ADGRE5: variants seen among roughly 807,000 people sequenced by gnomAD.
ADGRE5 encodes CD97 molecule.
Under a neutral mutation model 100.3 loss-of-function variants are expected in ADGRE5, and 72 were observed. That is an observed-to-expected ratio of 0.72 (90% CI 0.59 to 0.87). ADGRE5 has a LOEUF of 0.87. Ranked by LOEUF, ADGRE5 falls within the 40% of genes least tolerant of loss-of-function variation. ADGRE5 has a pLI of 0.00. For missense variants in ADGRE5, 959 were observed against 1,094.7 expected, an observed-to-expected ratio of 0.88 and a Z score of 1.75; for synonymous variants, 439 against 447.8, an observed-to-expected ratio of 0.98 and a Z score of 0.25.
Position 14,390,141 on chromosome 19 carries a change from GGGAA to G in ADGRE5, c.191-779_191-776del, listed in dbSNP as rs563265460. On this transcript the variant is annotated intron_variant, in intron 3 of 19. Coordinates refer to ENST00000242786, the MANE Select transcript of ADGRE5 (RefSeq NM_078481.4). ...GAGGGAGGGAAAGAAGAGGGAGGGA[GGGAA>G]GGAGGGAGGAAGGAAGGAAGGAAGG... is the stretch of plus-strand genomic sequence containing the variant. 6.1e-3 allele frequency among the ~76,000 whole-genome samples: 875 copies of G among 143,946 alleles called. 20 individuals are homozygous for G. Among genetic ancestry groups the G allele is most frequent in the African/African-American group, 0.021 (769 of 37,324 alleles). 94.4% of individuals were successfully genotyped at this position (143,946 alleles called of 152,430 possible). A position where few individuals can be genotyped will look rare whatever the true frequency, so the allele number is the denominator to read the frequency against.
chr19:14,382,628 C>T (rs569659159), intron 1 of ADGRE5, among the ~76,000 whole-genome samples: 1 of 151,984 alleles, frequency 6.6e-6, no homozygotes, highest in Admixed American at 6.6e-5. Context: ...TTTGAGAGGC[C>T]GAGGCAGGTG....
chr19:14,390,876 C>T, intron 3 of ADGRE5, 48 bp from the exon 4 acceptor site: 1 of 1,601,446 alleles, frequency 6.2e-7, no homozygotes. Context: ...TCTGCCCTGA[C>T]AGAACTCACA....
chr19:14,383,044 T>A (rs893029234), intron 1 of ADGRE5, among the ~76,000 whole-genome samples: 8 of 150,274 alleles, frequency 5.3e-5, no homozygotes, highest in Admixed American at 2.0e-4. Flanking sequence ...CCAAAAAAAA[T>A]TTTTTTTAAT....
intron 11 of ADGRE5, among the ~76,000 whole-genome samples, chr19:14,402,360 G>A (rs1976046368): frequency 6.6e-6 from 1 of 151,886 alleles, no homozygotes; most frequent in South Asian, 2.1e-4. Context: ...GCTTGAACCT[G>A]GGGAGTGGAG....
intron 9 of ADGRE5, among the ~76,000 whole-genome samples, chr19:14,400,181 A>G (rs1280408026): frequency 2.0e-5 from 3 of 151,976 alleles, no homozygotes; most frequent in Non-Finnish European, 2.9e-5. Flanking sequence ...CACCACGCCC[A>G]GCTAATTTTT....
intron 12 of ADGRE5, among the ~76,000 whole-genome samples, 198 bp downstream of exon 12, chr19:14,403,060 T>A (rs186859665): frequency 1.1e-3 from 173 of 152,332 alleles, no homozygotes; most frequent in African/African-American, 4.0e-3. Flanking sequence ...TTATTTATTT[T>A]AAGACAGAGT....
intron 9 of ADGRE5, among the ~76,000 whole-genome samples, chr19:14,400,991 G>A (rs1448898322): frequency 3.9e-5 from 6 of 152,078 alleles, no homozygotes; most frequent in African/African-American, 1.4e-4. Context: ...GGGTGTGGTG[G>A]CACGCTTCTG....
In ADGRE5 at chr19:14,401,765, C is replaced by T; in HGVS notation, c.1183+5C>T. 1.9e-6 allele frequency: 3 copies of T among 1,539,648 alleles called. No individual in the cohort carries two copies. Among genetic ancestry groups the T allele is most frequent in the Non-Finnish European group, 1.8e-6 (2 of 1,142,194 alleles). ...CAGCTGGAGCCGAGGATCCAGGTAG[C>T]AGCGGTGGTCTGGAGGGGGAGCCCG... On this transcript the variant is annotated splice_donor_5th_base_variant and intron_variant, in intron 11 of 19. Coordinates refer to ENST00000242786, the MANE Select transcript of ADGRE5 (RefSeq NM_078481.4). This position sits in a 1 kb window ranked among gnomAD's most constrained non-coding sequence, Gnocchi z 4.1.
At position 14,398,060 on chromosome 19, in the gene ADGRE5, A is replaced by C; in HGVS notation, c.820-2A>C. ...TGACCCCCACATCTCCTCTCTCTGC[A>C]GACGCTTTCCCGATTCTTCGACAAA... is the stretch of plus-strand genomic sequence containing the variant. On this transcript the variant is annotated splice_acceptor_variant, in intron 8 of 19. Transcript: ENST00000242786. LOFTEE classifies it high-confidence loss of function. 1 of 1,613,652 alleles carries C rather than the reference A, an allele frequency of 6.2e-7. No homozygotes were observed. The highest frequency in any genetic ancestry group is 8.5e-7 in the Non-Finnish European group (1 of 1,179,868).
Position 14,406,346 on chromosome 19 carries a change from C to A in ADGRE5, c.1837C>A (p.Arg613Ser). Residue 613 changes from arginine (R) to serine (S), a missense_variant, in exon 15 of 20, where the codon CGC becomes AGC. Arg to Ser is a moderately radical substitution (Grantham distance 110). This residue lies in a region of ADGRE5 where 428 missense variants were observed against 386.2 expected (regional missense o/e 1.11). Transcript: ENST00000242786. This position sits in a 1 kb window ranked among gnomAD's most constrained non-coding sequence, Gnocchi z 6.0. ...CGCCCCGCAGGTGGGGCTGCGCTGC[C>A]GCCTGGTGGCCGGGCTGCTGCACTA... ...NEGGQVGLRC[R>S]LVAGLLHYCF... The A allele has an allele frequency of 6.4e-7, 1 of 1,571,638 alleles. No homozygotes were observed. The highest frequency in any genetic ancestry group is 8.6e-7 in the Non-Finnish European group (1 of 1,160,912).
intron 9 of ADGRE5, among the ~76,000 whole-genome samples, chr19:14,398,822 GT>G (rs550992430): frequency 2.0e-5 from 3 of 147,702 alleles, no homozygotes; most frequent in Non-Finnish European, 3.0e-5. Flanking sequence ...GTTGTGGTGT[GT>G]TTTTTTTTGT....
At chr19:14,407,832 T>TG in intron 18 of ADGRE5, 76 bp from the exon 19 acceptor site, 1 of 1,245,524 alleles carries the variant, frequency 8.0e-7, no homozygotes, top group Non-Finnish European at 1.2e-6. Context: ...AAGGTGGGGC[T>TG]GAGGGCAGAG....
Position 14,401,715 on chromosome 19 carries a change from C to T in ADGRE5, c.1138C>T (p.Arg380Cys), listed in dbSNP as rs367751456. 15 of 1,579,600 alleles carry T rather than the reference C, an allele frequency of 9.5e-6. No individual in the cohort carries two copies. Among genetic ancestry groups the T allele is most frequent in the South Asian group, 1.2e-5 (1 of 85,702 alleles). Reference sequence around the variant, plus strand: ...CGTCACTATGGGTCAGAGCAGCGCACGCATGAAGCTGAATTGGGCTGTGGC... The same window carrying T: ...CGTCACTATGGGTCAGAGCAGCGCATGCATGAAGCTGAATTGGGCTGTGGC... ...KNVTMGQSSA[R>C]MKLNWAVAAG... The change falls in exon 11 of 20, where the codon CGC (arginine) becomes TGC (cysteine). Residue 380 changes from arginine to cysteine, a missense_variant. Physicochemically the swap from Arg to Cys is radical, Grantham distance 180 (BLOSUM62 -3). Coordinates refer to ENST00000242786, the MANE Select transcript of ADGRE5 (RefSeq NM_078481.4). This position sits in a 1 kb window ranked among gnomAD's most constrained non-coding sequence, Gnocchi z 4.1.
chr19:14,405,840 C>T lies in ADGRE5; in HGVS notation c.1722C>T (p.Pro574=). The T allele has an allele frequency of 6.2e-7, 1 of 1,613,534 alleles. No individual in the cohort carries two copies. Among genetic ancestry groups the T allele is most frequent in the Non-Finnish European group, 8.5e-7 (1 of 1,179,960 alleles). ...TCCTCACTTTCCTGCTGGTGCGGCC[C>T]ATCCAGGGCTCGCGCACCACCATAC... ...LCILTFLLVR[P]IQGSRTTIHL... The change falls in exon 14 of 20, where the codon CCC becomes CCT. Residue 574 remains proline, a synonymous_variant. Transcript: ENST00000242786.
At chr19:14,396,684 G>C (rs1975793165) in intron 5 of ADGRE5, among the ~76,000 whole-genome samples, 1 of 152,266 alleles carries the variant, frequency 6.6e-6, no homozygotes. Context: ...GAGTGCCCTT[G>C]TGGGCCCCCA....
intron 4 of ADGRE5, among the ~76,000 whole-genome samples, chr19:14,395,797 A>C (rs951016128): frequency 2.5e-4 from 38 of 151,582 alleles, no homozygotes; most frequent in Non-Finnish European, 4.6e-4. Flanking sequence ...CACTCTCCCC[A>C]CCCCTGCTAT....
Position 14,388,232 on chromosome 19 carries a change from A to C in ADGRE5, c.23-218A>C, listed in dbSNP as rs75998814. On this transcript the variant is annotated intron_variant, in intron 1 of 19. Coordinates refer to ENST00000242786, the MANE Select transcript of ADGRE5 (RefSeq NM_078481.4). ...GACCAAGCAGGAGCCTGTGTCAAAAAAAAAACAAAAACAAAAAAACCCGCC... is the reference window on the plus strand; with the variant it reads ...GACCAAGCAGGAGCCTGTGTCAAAACAAAAACAAAAACAAAAAAACCCGCC... 2.5e-3 allele frequency among the ~76,000 whole-genome samples: 385 copies of C among 152,096 alleles called. 1 individual carries two copies. The highest frequency in any genetic ancestry group is 6.7e-3 in the African/African-American group (277 of 41,518).
intron 6 of ADGRE5, 45 bp from the exon 7 acceptor site, chr19:14,397,613 T>A (rs968262573): frequency 1.6e-5 from 26 of 1,600,726 alleles, no homozygotes; most frequent in Non-Finnish European, 2.1e-5. Flanking sequence ...GACAGGACCC[T>A]CTCCAGGCTG....
In ADGRE5 at chr19:14,391,096, G is replaced by A. The variant is rs201475764; in HGVS notation, c.346+17G>A. On this transcript the variant is annotated intron_variant, in intron 4 of 19. Coordinates refer to ENST00000242786, the MANE Select transcript of ADGRE5 (RefSeq NM_078481.4). Reference sequence around the variant, plus strand: ...CCTGTCAAGGTAAGAACCACCCCACGTCCTCTGACTTTCCATCCATGAGGT... The same window carrying A: ...CCTGTCAAGGTAAGAACCACCCCACATCCTCTGACTTTCCATCCATGAGGT... The A allele has an allele frequency of 3.5e-5, 57 of 1,613,860 alleles. No individual in the cohort carries two copies. In the Admixed American group the frequency reaches 5.5e-4, roughly 16 times the overall value.
Sources: allele counts gnomAD v4.1 joint callset (sites outside exome capture counted in the v4.1 genomes callset), GRCh38; gene constraint gnomAD v4.1.1; regional missense constraint gnomAD v4.1.1; non-coding constraint Gnocchi (gnomAD v3.1); transcripts MANE v1.5; gene names NCBI Gene and HGNC (gene_info 2026-07-23, HGNC 2026-07-21).